The following CNTN4 variants were observed in gnomAD, a reference collection of about 807,000 sequenced individuals.
CNTN4 encodes contactin 4.
CNTN4 carries 77 observed loss-of-function variants against 122.5 expected under a neutral mutation model. The ratio of observed to expected loss-of-function variants is 0.63; its 90% CI spans 0.52 to 0.76. The LOEUF (loss-of-function observed/expected upper bound fraction) is 0.76. Ranked by LOEUF, CNTN4 falls within the 30% of genes least tolerant of loss-of-function variation. CNTN4 has a pLI of 0.00. For synonymous variants in CNTN4, 512 were observed against 447.0 expected, an observed-to-expected ratio of 1.15 and a Z score of -1.83; for missense variants, 1,256 against 1,259.1, an observed-to-expected ratio of 1.00 and a Z score of 0.04.
chr3:2,788,588 A>G (rs2091912589), intron 6 of CNTN4, among the ~76,000 whole-genome samples: 1 of 152,240 alleles, frequency 6.6e-6, no homozygotes, highest in South Asian at 2.1e-4. Flanking sequence ...ATCTTTGGAA[A>G]AATATACTGT....
chr3:2,390,215 A>AGTGTGTGTGTGT lies in CNTN4; in HGVS notation c.-89+51007_-89+51018dup, dbSNP rs142190283. On this transcript the variant is annotated intron_variant, in intron 3 of 24. Coordinates refer to ENST00000418658, the MANE Select transcript of CNTN4 (RefSeq NM_175607.3). ...ACTGTCAATGGGTTTAGGAAAAAAG[A>AGTGTGTGTGTGT]GTGTGTGTGTGTGTGTGTGTGTGTG... Among the ~76,000 whole-genome samples the AGTGTGTGTGTGT allele has an allele frequency of 1.9e-3, 275 of 144,872 alleles. 2 individuals are homozygous for AGTGTGTGTGTGT. The highest frequency in any genetic ancestry group is 6.1e-3 in the African/African-American group (237 of 39,120).
At chr3:2,690,323 G>C (rs2085662491) in intron 4 of CNTN4, among the ~76,000 whole-genome samples, 1 of 152,090 alleles carries the variant, frequency 6.6e-6, no homozygotes, top group South Asian at 2.1e-4. Context: ...AAGGTGGCTG[G>C]AGTAAAGTCC....
chr3:2,535,122 T>C (rs184811227), intron 3 of CNTN4, among the ~76,000 whole-genome samples: 2 of 152,270 alleles, frequency 1.3e-5, no homozygotes, highest in Non-Finnish European at 2.9e-5. Context: ...TATTTAAAGG[T>C]AATTTTGTCC....
At chr3:2,902,402 C>T (rs1186431845) in intron 11 of CNTN4, among the ~76,000 whole-genome samples, 1 of 152,100 alleles carries the variant, frequency 6.6e-6, no homozygotes, top group African/African-American at 2.4e-5. Context: ...TAAACCTCAA[C>T]CAATATTAAA....
In CNTN4 at chr3:2,961,178, C is replaced by T. The variant is rs1426558532; in HGVS notation, c.1359-27167C>T. Among the ~76,000 whole-genome samples the T allele has an allele frequency of 5.2e-5, 7 of 133,566 alleles. 1 individual carries two copies. The highest frequency in any genetic ancestry group is 8.2e-5 in the Admixed American group (1 of 12,162). The allele number at this position is 133,566 out of a possible 152,430, so 87.6% of individuals were successfully genotyped here. On this transcript the variant is annotated intron_variant, in intron 13 of 24. Coordinates refer to ENST00000418658, the MANE Select transcript of CNTN4 (RefSeq NM_175607.3). ...CCGGGAGGCGGAGCTTGCAGTGAGCCGAGATTGGACCACTGCACTCCAGCC... is the reference window on the plus strand; with the variant it reads ...CCGGGAGGCGGAGCTTGCAGTGAGCTGAGATTGGACCACTGCACTCCAGCC...
intron 2 of CNTN4, among the ~76,000 whole-genome samples, chr3:2,314,656 T>TA (rs373116854): frequency 2.6e-5 from 4 of 151,640 alleles, no homozygotes; most frequent in East Asian, 1.9e-4. Flanking sequence ...AGCCTTTCTT[T>TA]AAAAAAAAGG....
At chr3:2,919,593 T>C (rs551363277) in intron 12 of CNTN4, among the ~76,000 whole-genome samples, 1 of 152,202 alleles carries the variant, frequency 6.6e-6, no homozygotes, top group African/African-American at 2.4e-5. Flanking sequence ...CATAGTCTAA[T>C]GACTCTCTTC....
intron 14 of CNTN4, among the ~76,000 whole-genome samples, chr3:3,004,242 A>G (rs576027218): frequency 1.1e-4 from 16 of 152,088 alleles, no homozygotes; most frequent in African/African-American, 3.4e-4. Context: ...GATGTCCTAG[A>G]GCTTGACATA....
In CNTN4 at chr3:2,900,731, G is replaced by A. The variant is rs1247115334; in HGVS notation, c.987G>A (p.Met329Ile). 4 of 1,613,908 alleles carry A rather than the reference G, an allele frequency of 2.5e-6. No homozygotes were observed. Among genetic ancestry groups the A allele is most frequent in the Non-Finnish European group, 3.4e-6 (4 of 1,179,808 alleles). Residue 329 changes from methionine (M) to isoleucine (I), a missense_variant, in exon 11 of 25, where the codon ATG becomes ATA. Met to Ile is a conservative substitution (Grantham distance 10, BLOSUM62 1). Transcript: ENST00000418658. The stretch of plus-strand genomic sequence containing the variant: ...AAATAAATGATATTCACGTGGCCAT[G>A]GAAGAAAATGTCTTTTGGGAATGTA... ...IQKINDIHVA[M>I]EENVFWECKA... is the part of the protein sequence containing the mutation.
At chr3:2,582,618 G>A (rs575898845) in intron 4 of CNTN4, among the ~76,000 whole-genome samples, 1 of 152,314 alleles carries the variant, frequency 6.6e-6, no homozygotes, top group Non-Finnish European at 1.5e-5. Flanking sequence ...CACCTGAGGT[G>A]TGATATTGGA....
chr3:2,538,361 A>T (rs1280314706), intron 3 of CNTN4, among the ~76,000 whole-genome samples: 1 of 152,124 alleles, frequency 6.6e-6, no homozygotes, highest in Non-Finnish European at 1.5e-5. Flanking sequence ...TAACAAAGTC[A>T]TGGAGTAAAC....
At chr3:2,965,597 C>T (rs1377841953) in intron 13 of CNTN4, among the ~76,000 whole-genome samples, 1 of 152,200 alleles carries the variant, frequency 6.6e-6, no homozygotes, top group Non-Finnish European at 1.5e-5. Context: ...CCGCTGGCTT[C>T]TTCTTATATC....
rs562858325 is a variant in CNTN4 at position 2,153,271 on chromosome 3, C to T, written c.-145+52632C>T. ...GAGTGAATGTAGTAGAGAGGGTGACCGAAGATTGCATGACTACATCATTAC... is the reference window on the plus strand; with the variant it reads ...GAGTGAATGTAGTAGAGAGGGTGACTGAAGATTGCATGACTACATCATTAC... On this transcript the variant is annotated intron_variant, in intron 2 of 24. Coordinates refer to ENST00000418658, the MANE Select transcript of CNTN4 (RefSeq NM_175607.3). Among the ~76,000 whole-genome samples the T allele has an allele frequency of 4.9e-4, 74 of 152,130 alleles. 1 individual carries two copies. The South Asian group carries it at 0.012, about 26-fold the overall frequency.
intron 4 of CNTN4, among the ~76,000 whole-genome samples, chr3:2,613,496 G>C (rs2081585216): frequency 6.6e-6 from 1 of 152,020 alleles, no homozygotes; most frequent in Non-Finnish European, 1.5e-5. Flanking sequence ...CAACATATTT[G>C]TTCATTAATG....
intron 3 of CNTN4, among the ~76,000 whole-genome samples, chr3:2,344,283 T>TTA (rs2044317379): frequency 6.6e-6 from 1 of 151,844 alleles, no homozygotes; most frequent in East Asian, 1.9e-4. Flanking sequence ...GTCAAATTTT[T>TTA]TTTTTTTTTT....
intron 2 of CNTN4, among the ~76,000 whole-genome samples, chr3:2,203,240 A>G (rs183445514): frequency 2.6e-4 from 40 of 152,304 alleles, no homozygotes; most frequent in African/African-American, 8.9e-4. Context: ...TGAAAGCATT[A>G]GGACTAAATG....
intron 2 of CNTN4, among the ~76,000 whole-genome samples, chr3:2,330,322 G>C (rs1372975395): frequency 6.6e-6 from 1 of 152,142 alleles, no homozygotes; most frequent in Admixed American, 6.5e-5. Context: ...TCCAGTTGCA[G>C]TCCTTTTTGG....
intron 23 of CNTN4, among the ~76,000 whole-genome samples, chr3:3,052,919 T>C (rs1272388310): frequency 6.6e-6 from 1 of 152,242 alleles, no homozygotes; most frequent in Non-Finnish European, 1.5e-5. Flanking sequence ...TGTGCCTGGC[T>C]TGTGCTCTAA....
At chr3:2,210,412 T>C (rs1169768215) in intron 2 of CNTN4, among the ~76,000 whole-genome samples, 1 of 152,194 alleles carries the variant, frequency 6.6e-6, no homozygotes, top group Non-Finnish European at 1.5e-5. Flanking sequence ...GGTTCCGGCA[T>C]ACCATTGTCT....
Sources: allele counts gnomAD v4.1 joint callset (sites outside exome capture counted in the v4.1 genomes callset), GRCh38; gene constraint gnomAD v4.1.1; transcripts MANE v1.5; gene names NCBI Gene and HGNC (gene_info 2026-07-23, HGNC 2026-07-21).